The following XG variants were observed in gnomAD, a reference collection of about 807,000 sequenced individuals.
The protein encoded by XG is glycoprotein Xg.
In XG, 24 loss-of-function variants were observed where a neutral mutation model predicts 25.7. The observed-to-expected ratio is 0.93, with a 90% CI of 0.68 to 1.31. The LOEUF (loss-of-function observed/expected upper bound fraction) is 1.31, where lower values mean the gene tolerates loss of function less well. Ranked by LOEUF, XG falls within the 40% of genes most tolerant of loss-of-function variation. The probability of loss-of-function intolerance (pLI) is 0.00; values close to 1 mark genes in which losing one functional copy is unlikely to be tolerated. For missense variants in XG, 181 were observed against 187.6 expected (o/e 0.96, Z 0.21); for synonymous variants, 77 against 69.2 (o/e 1.11, Z -0.56).
chrX:2,770,553 A>G lies in XG; in HGVS notation c.65A>G (p.Gln22Arg). Residue 22 changes from glutamine to arginine, a missense_variant, in exon 2 of 11, where the codon CAA (glutamine) becomes CGA (arginine). Transcript: ENST00000644266. ...FLCFLMHARG[Q>R]RDFDLADALD... ...ATGCCCTGTTTGCTCCCAATAGGTC[A>G]AAGAGACTTTGATTTGGCAGATGCC... The G allele has an allele frequency of 6.2e-7, 1 of 1,613,952 alleles. No individual in the cohort carries two copies. Among genetic ancestry groups the G allele is most frequent in the Non-Finnish European group, 8.5e-7 (1 of 1,179,866 alleles).
intron 1 of XG, among the ~76,000 whole-genome samples, chrX:2,756,013 G>A (rs1447188738): frequency 6.6e-6 from 1 of 152,168 alleles, no homozygotes; most frequent in Non-Finnish European, 1.5e-5. Context: ...AAACCTGCAC[G>A]TCCTGCACAC....
chrX:2,809,716 T>C (rs1411645440), intron 9 of XG, among the ~76,000 whole-genome samples: 1 of 112,172 alleles, frequency 8.9e-6, no homozygotes, highest in African/African-American at 3.2e-5. Flanking sequence ...TTGTGTGCAG[T>C]CAACTGTAGG....
Position 2,770,016 on chromosome X carries a change from TG to T in XG, c.62-532del, listed in dbSNP as rs1201452154. On this transcript the variant is annotated intron_variant, in intron 1 of 10. Transcript: ENST00000644266. ...TCTCAACCTAGACTCTGTGCGTGTG[TG>T]GAGGGGTGGGGGGGGCGTTGGGGGG... Among the ~76,000 whole-genome samples the T allele has an allele frequency of 6.1e-3, 277 of 45,568 alleles. 2 individuals carry two copies. Among genetic ancestry groups the T allele is most frequent in the Non-Finnish European group, 9.5e-3 (219 of 23,112 alleles). 29.9% of individuals were successfully genotyped at this position (45,568 alleles called of 152,430 possible).
chrX:2,757,932 A>G (rs1296933202), intron 1 of XG, among the ~76,000 whole-genome samples: 1 of 141,388 alleles, frequency 7.1e-6, no homozygotes, highest in African/African-American at 2.7e-5. Flanking sequence ...AGATCATACC[A>G]CTGCACTCCA....
intron 1 of XG, among the ~76,000 whole-genome samples, chrX:2,766,346 G>A (rs1282123423): frequency 4.2e-4 from 63 of 151,570 alleles, no homozygotes; most frequent in Admixed American, 4.1e-3. Context: ...TCACCATGTT[G>A]GCCAGGATGG....
intron 2 of XG, among the ~76,000 whole-genome samples, chrX:2,773,518 AGAAGGAAG>A (rs1357635618): frequency 8.1e-6 from 1 of 123,604 alleles, no homozygotes; most frequent in African/African-American, 3.0e-5. Context: ...AAGGAAGGAG[AGAAGGAAG>A]GAAGGAGAGA....
chrX:2,770,496 G>A, intron 1 of XG, 54 bp from the exon 2 acceptor site: 1 of 1,607,600 alleles, frequency 6.2e-7, no homozygotes, highest in Non-Finnish European at 8.5e-7. Flanking sequence ...AGGAACAAGG[G>A]GGATTCTGGC....
chrX:2,810,928 GAAAT>G (rs146387414), intron 9 of XG, among the ~76,000 whole-genome samples: 53,949 of 100,924 alleles, frequency 0.53, 12,308 homozygotes, highest in Non-Finnish European at 0.67. Flanking sequence ...AAAATAATAA[GAAAT>G]AAATAAATAA....
intron 7 of XG, among the ~76,000 whole-genome samples, chrX:2,798,888 C>CTTT (rs1254883670): frequency 0.089 from 9,017 of 100,854 alleles, 928 homozygotes; most frequent in African/African-American, 0.29. Context: ...CTTTTTCTTT[C>CTTT]TTTTTTTTTT....
At chrX:2,800,505 A>C (rs2086925047) in intron 7 of XG, among the ~76,000 whole-genome samples, 1 of 112,305 alleles carries the variant, frequency 8.9e-6, no homozygotes, top group South Asian at 3.7e-4. Context: ...GTTACCTCGG[A>C]AGCGAGTGTT....
chrX:2,761,187 G>T (rs955016357), intron 1 of XG, among the ~76,000 whole-genome samples: 19 of 152,164 alleles, frequency 1.2e-4, no homozygotes, highest in African/African-American at 3.9e-4. Context: ...GGTGAGAAGG[G>T]TACAATGAGC....
At chrX:2,781,110 G>A (rs2051110093) in intron 3 of XG, among the ~76,000 whole-genome samples, 1 of 152,048 alleles carries the variant, frequency 6.6e-6, no homozygotes. Flanking sequence ...ACCTGTTTCA[G>A]TATTGACTGA....
chrX:2,812,118 C>A (rs1316040341), intron 10 of XG, among the ~76,000 whole-genome samples: 1 of 111,487 alleles, frequency 9.0e-6, no homozygotes, highest in Non-Finnish European at 1.9e-5. Context: ...TCGTCACAGG[C>A]GAGTCAGGAA....
At chrX:2,762,208 C>T (rs999179989) in intron 1 of XG, among the ~76,000 whole-genome samples, 4 of 152,184 alleles carry the variant, frequency 2.6e-5, no homozygotes, top group African/African-American at 4.8e-5. Context: ...ATGATCATTC[C>T]TTCCTCTTCG....
intron 3 of XG, among the ~76,000 whole-genome samples, chrX:2,777,671 A>G (rs2051030171): frequency 6.6e-6 from 1 of 152,218 alleles, no homozygotes; most frequent in Admixed American, 6.5e-5. Context: ...AAAGAAGAAA[A>G]GTAAAATAAA....
chrX:2,767,887 A>C (rs755383863), intron 1 of XG, among the ~76,000 whole-genome samples: 1 of 152,192 alleles, frequency 6.6e-6, no homozygotes, highest in Admixed American at 6.5e-5. Context: ...CGCGTGCAGC[A>C]ACTTCTGGCT....
Position 2,774,715 on chromosome X carries a change from G to C in XG, c.104-1G>C. The C allele has an allele frequency of 6.2e-7, 1 of 1,613,812 alleles. No homozygotes were observed. Among genetic ancestry groups the C allele is most frequent in the Non-Finnish European group, 8.5e-7 (1 of 1,179,850 alleles). On this transcript the variant is annotated splice_acceptor_variant, in intron 2 of 10. Coordinates refer to ENST00000644266, the MANE Select transcript of XG (RefSeq NM_001141919.2). LOFTEE classifies it high-confidence loss of function. ...CATTTATTTTCTCTCTTTGTTCACAGAACCCACCAAGAAGCCAAACTCAGG... is the reference window on the plus strand; with the variant it reads ...CATTTATTTTCTCTCTTTGTTCACACAACCCACCAAGAAGCCAAACTCAGG...
chrX:2,771,223 C>T (rs1246234077), intron 2 of XG, among the ~76,000 whole-genome samples: 1 of 151,830 alleles, frequency 6.6e-6, no homozygotes, highest in African/African-American at 2.4e-5. Flanking sequence ...AATCCATGGC[C>T]TCCAATCTCC....
intron 1 of XG, among the ~76,000 whole-genome samples, chrX:2,763,448 G>C (rs1213353187): frequency 6.9e-6 from 1 of 145,816 alleles, no homozygotes; most frequent in Non-Finnish European, 1.5e-5. Flanking sequence ...ACAAATGTTT[G>C]TTCTAAATTC....
Sources: allele counts gnomAD v4.1 joint callset (sites outside exome capture counted in the v4.1 genomes callset), GRCh38; gene constraint gnomAD v4.1.1; transcripts MANE v1.5; gene names NCBI Gene and HGNC (gene_info 2026-07-23, HGNC 2026-07-21).